The following CMKLR2 variants were observed in gnomAD, a reference collection of about 807,000 sequenced individuals.
CMKLR2 encodes the protein chemerin chemokine-like receptor 2.
A neutral mutation model predicts 23.0 loss-of-function variants in CMKLR2; 18 were observed. The observed-to-expected ratio is 0.78, with a 90% CI of 0.54 to 1.16. CMKLR2 has a LOEUF of 1.16. CMKLR2 is among the 50% of genes most tolerant of loss of function. The pLI is 0.00. For synonymous variants in CMKLR2, 158 were observed against 158.9 expected (o/e 0.99, Z 0.05); for missense variants, 401 against 412.7 (o/e 0.97, Z 0.25).
intron 1 of CMKLR2, among the ~76,000 whole-genome samples, chr2:206,205,570 T>C (rs1454758281): frequency 6.6e-6 from 1 of 151,760 alleles, no homozygotes; most frequent in South Asian, 2.1e-4. Context: ...CAGGGTCTTA[T>C]TATGTTGCTC....
At chr2:206,193,582 A>C (rs2105817782) in intron 1 of CMKLR2, among the ~76,000 whole-genome samples, 1 of 152,336 alleles carries the variant, frequency 6.6e-6, no homozygotes, top group Middle Eastern at 3.4e-3. Flanking sequence ...CCATATAAAG[A>C]GTCAGAACTA....
At chr2:206,208,587 C>G (rs981092869) in intron 1 of CMKLR2, among the ~76,000 whole-genome samples, 2 of 150,618 alleles carry the variant, frequency 1.3e-5, no homozygotes, top group East Asian at 1.9e-4. Context: ...TAGAAATACA[C>G]AAAACAAATA....
rs148670167 is a variant in CMKLR2, at chr2:206,207,437, G to A, written c.-29+5870C>T. Reference sequence around the variant, plus strand: ...TTACAGGTATGAGACACCATGCCTGGCCTGTTGCTTATAATTAAAACCAGT... The same window carrying A: ...TTACAGGTATGAGACACCATGCCTGACCTGTTGCTTATAATTAAAACCAGT... On this transcript the variant is annotated intron_variant, in intron 1 of 1. Transcript: ENST00000621141. 5.5e-3 allele frequency among the ~76,000 whole-genome samples: 843 copies of A among 152,222 alleles called. 2 individuals carry two copies. The highest frequency in any genetic ancestry group is 0.01 in the Middle Eastern group (3 of 294).
In CMKLR2 at chr2:206,175,934, A is replaced by AATT; in HGVS notation, c.*243_*245dup. On this transcript the variant is annotated 3_prime_UTR_variant, in exon 2 of 2. Transcript: ENST00000621141. ...GCATTTCATTTAAGTTGCAGAAAAA[A>AATT]ATTATGCGGATCCTTCCTAAGTATT... 2.8e-6 allele frequency: 1 copy of AATT among 360,100 alleles called. No individual in the cohort carries two copies. The highest frequency in any genetic ancestry group is 4.2e-5 in the Admixed American group (1 of 23,668). 22.3% of individuals were successfully genotyped at this position (360,100 alleles called of 1,614,324 possible). A position where few individuals can be genotyped will look rare whatever the true frequency, so the allele number is the denominator to read the frequency against.
chr2:206,200,514 C>G (rs1418504195), intron 1 of CMKLR2, among the ~76,000 whole-genome samples: 2 of 152,188 alleles, frequency 1.3e-5, no homozygotes, highest in African/African-American at 4.8e-5. Flanking sequence ...TTAGACAATT[C>G]AAAAGCCAAG....
intron 1 of CMKLR2, among the ~76,000 whole-genome samples, chr2:206,196,661 C>A (rs1300448945): frequency 6.6e-6 from 1 of 152,204 alleles, no homozygotes; most frequent in African/African-American, 2.4e-5. Flanking sequence ...CCCAGTGGAG[C>A]AGCCAGTTTG....
chr2:206,215,940 C>A (rs1689739494), upstream of CMKLR2, among the ~76,000 whole-genome samples: 1 of 152,112 alleles, frequency 6.6e-6, no homozygotes, highest in Non-Finnish European at 1.5e-5. Context: ...CTTCAAATAC[C>A]ATTATCTTAA....
chr2:206,175,910 C>A lies in CMKLR2; in HGVS notation c.*270G>T. ...CATGGTATAATTAACAAGAATGATG[C>A]ATTTCATTTAAGTTGCAGAAAAAAA... On this transcript the variant is annotated 3_prime_UTR_variant, in exon 2 of 2. Coordinates refer to ENST00000621141, the MANE Select transcript of CMKLR2 (RefSeq NM_001389445.1). 1 of 314,998 alleles carries A rather than the reference C, an allele frequency of 3.2e-6. No homozygotes were observed. The allele number at this position is 314,998 out of a possible 1,614,324, so 19.5% of individuals were successfully genotyped here.
chr2:206,210,118 C>A (rs921367809), intron 1 of CMKLR2, among the ~76,000 whole-genome samples: 3 of 151,940 alleles, frequency 2.0e-5, no homozygotes, highest in Non-Finnish European at 2.9e-5. Flanking sequence ...TGTGCGCCAC[C>A]ATGACTGGCT....
upstream of CMKLR2, among the ~76,000 whole-genome samples, chr2:206,215,085 C>T (rs542601769): frequency 1.5e-4 from 23 of 152,224 alleles, no homozygotes; most frequent in African/African-American, 5.1e-4. Flanking sequence ...GGAATTCTCA[C>T]GGTGGAGGTC....
At chr2:206,199,658 C>G (rs2105825733) in intron 1 of CMKLR2, among the ~76,000 whole-genome samples, 1 of 151,350 alleles carries the variant, frequency 6.6e-6, no homozygotes, top group African/African-American at 2.4e-5. Context: ...TGCAGTGGCT[C>G]AATCTCAGCT....
chr2:206,204,714 C>T (rs1414326069), intron 1 of CMKLR2, among the ~76,000 whole-genome samples: 1 of 152,018 alleles, frequency 6.6e-6, no homozygotes, highest in Non-Finnish European at 1.5e-5. Flanking sequence ...CATGAGCCAC[C>T]GCACCCGGTT....
chr2:206,204,211 G>C (rs958481504), intron 1 of CMKLR2, among the ~76,000 whole-genome samples: 1 of 151,828 alleles, frequency 6.6e-6, no homozygotes, highest in Non-Finnish European at 1.5e-5. Flanking sequence ...AATTAGCCGG[G>C]CGTGGTGGCG....
chr2:206,217,509 G>A (rs1308383222), upstream of CMKLR2: 1 of 152,180 alleles, frequency 6.6e-6, no homozygotes, highest in Non-Finnish European at 1.5e-5. Flanking sequence ...TTCTAATTCT[G>A]TTTTGCCCGA....
intron 1 of CMKLR2, among the ~76,000 whole-genome samples, chr2:206,187,521 C>T (rs1444891268): frequency 6.6e-6 from 1 of 152,130 alleles, no homozygotes; most frequent in African/African-American, 2.4e-5. Flanking sequence ...AGCTTACTAC[C>T]TTGAGCATTT....
intron 1 of CMKLR2, among the ~76,000 whole-genome samples, chr2:206,203,190 T>C (rs953717102): frequency 7.1e-4 from 102 of 144,082 alleles, no homozygotes; most frequent in African/African-American, 2.5e-3. Context: ...TAGCCGGGCA[T>C]GGTGGCGCAT....
chr2:206,176,679 T>C lies in CMKLR2; in HGVS notation c.569A>G (p.Asn190Ser). 1 of 1,614,110 alleles carries C rather than the reference T, an allele frequency of 6.2e-7. No individual in the cohort carries two copies. The highest frequency in any genetic ancestry group is 8.5e-7 in the Non-Finnish European group (1 of 1,180,000). Residue 190 changes from asparagine to serine, a missense_variant, in exon 2 of 2, where the codon AAT becomes AGT. By Grantham distance (46) the Asn-to-Ser change is conservative. Coordinates refer to ENST00000621141, the MANE Select transcript of CMKLR2 (RefSeq NM_001389445.1). ...GAGGTCAGGATCATGCTTCTGAAAATTGTTATAGCAAAGAGTATGATTATT... is the reference window on the plus strand; with the variant it reads ...GAGGTCAGGATCATGCTTCTGAAAACTGTTATAGCAAAGAGTATGATTATT... ...EFNNHTLCYN[N>S]FQKHDPDLTL...
chr2:206,183,364 G>A (rs368784703), intron 1 of CMKLR2, among the ~76,000 whole-genome samples: 5 of 152,172 alleles, frequency 3.3e-5, no homozygotes, highest in African/African-American at 1.2e-4. Flanking sequence ...TGACCCTGCT[G>A]GGACAGTGTG....
At chr2:206,216,380 G>A (rs1574336975), upstream of CMKLR2, among the ~76,000 whole-genome samples, 1 of 152,212 alleles carries the variant, frequency 6.6e-6, no homozygotes, top group Admixed American at 6.5e-5. Flanking sequence ...GCTTGAACCA[G>A]GAGGTGGAGG....
Sources: gnomAD v4.1 joint callset for allele counts (sites outside exome capture counted in the v4.1 genomes callset) on GRCh38, gnomAD v4.1.1 for gene constraint, MANE v1.5 for transcripts, NCBI Gene and HGNC (gene_info 2026-07-23, HGNC 2026-07-21) for gene names.